Variants in SPIN2A observed in about 807,000 individuals in gnomAD.
The protein encoded by SPIN2A is spindlin-2A.
A neutral mutation model predicts 9.2 loss-of-function variants in SPIN2A; 4 were observed. That is an observed-to-expected ratio of 0.44 (90% CI 0.21 to 1.00). The LOEUF (loss-of-function observed/expected upper bound fraction) is 1.00, where lower values mean the gene tolerates loss of function less well. Among genes scored for constraint, SPIN2A ranks in the 50% least tolerant of loss-of-function variants. The pLI is 0.26. For synonymous variants in SPIN2A, 25 were observed against 61.2 expected, an observed-to-expected ratio of 0.41 and a Z score of 2.76; for missense variants, 77 against 172.8, an observed-to-expected ratio of 0.45 and a Z score of 3.11.
chrX:57,145,983 G>A, the SPIN2A span, among the ~76,000 whole-genome samples: 4 of 109,841 alleles, frequency 3.6e-5, no homozygotes, highest in Non-Finnish European at 7.6e-5. Context: ...GTTTGAAGTT[G>A]GGTAATGTGA....
In SPIN2A at chrX:57,135,667, T is replaced by C. The variant is rs1927675674; in HGVS notation, c.*154A>G. On this transcript the variant is annotated 3_prime_UTR_variant, in exon 2 of 2. Transcript: ENST00000374906. ...ACAGCATGTCATGTATTCACAAATT[T>C]GTATTTTTTAGAGCAAAACAACAGT... 1 of 1,069,069 alleles carries C rather than the reference T, an allele frequency of 9.4e-7. No homozygotes were observed. The highest frequency in any genetic ancestry group is 1.2e-6 in the Non-Finnish European group (1 of 814,996). 88.1% of individuals were successfully genotyped at this position (1,069,069 alleles called of 1,213,427 possible). A position where few individuals can be genotyped will look rare whatever the true frequency, so the allele number is the denominator to read the frequency against.
chrX:57,141,848 A>G (rs1217696895), upstream of SPIN2A, among the ~76,000 whole-genome samples: 2 of 110,884 alleles, frequency 1.8e-5, no homozygotes, highest in Admixed American at 1.9e-4. Context: ...TTTGTTACAT[A>G]GGTATATGTG....
In SPIN2A at chrX:57,136,250, T is replaced by C. The variant is rs1410218625; in HGVS notation, c.348A>G (p.Ser116=). The stretch of plus-strand genomic sequence containing the variant: ...CAAGGTTGGCATCACTAATGTGAGA[T>C]GATGCCACCCTGTCAGAAAGAATTT... The part of the protein sequence containing the change: ...SLKILSDRVA[S]SHISDANLAN... The change falls in exon 2 of 2, where the codon TCA becomes TCG. Residue 116 remains serine (S), a synonymous_variant. Transcript: ENST00000374906. The C allele has an allele frequency of 8.3e-6, 10 of 1,205,503 alleles. No homozygotes were observed. Among genetic ancestry groups the C allele is most frequent in the Non-Finnish European group, 1.1e-5 (10 of 893,899 alleles).
chrX:57,135,562 G>T (rs769681343), downstream of SPIN2A: 5 of 489,465 alleles, frequency 1.0e-5, no homozygotes, highest in Non-Finnish European at 1.6e-5. Flanking sequence ...ATTCACAGCC[G>T]AAATTGACAG....
chrX:57,143,417 T>C, the SPIN2A span, among the ~76,000 whole-genome samples: 1 of 110,660 alleles, frequency 9.0e-6, no homozygotes, highest in Admixed American at 9.7e-5. Flanking sequence ...CATCCCCCCT[T>C]ACGACTTTTT....
downstream of SPIN2A, chrX:57,135,352 G>C (rs1277085494): frequency 6.9e-6 from 1 of 144,382 alleles, no homozygotes; most frequent in Admixed American, 7.7e-5. Context: ...TTCTGAGTTG[G>C]ATGTTTCCTT....
chrX:57,140,417 C>CAAAAAA (rs60570721), upstream of SPIN2A, among the ~76,000 whole-genome samples: 16 of 64,786 alleles, frequency 2.5e-4, no homozygotes, highest in African/African-American at 1.1e-3. Context: ...CCATCTCTAC[C>CAAAAAA]AAAAAAAAAA....
chrX:57,146,730 G>A, the SPIN2A span, among the ~76,000 whole-genome samples: 2 of 111,893 alleles, frequency 1.8e-5, no homozygotes, highest in African/African-American at 6.5e-5. Flanking sequence ...TTACATTCAG[G>A]TATGTCTCTT....
At chrX:57,145,596 A>G in the SPIN2A span, among the ~76,000 whole-genome samples, 3 of 111,666 alleles carry the variant, frequency 2.7e-5, no homozygotes, top group Admixed American at 9.5e-5. Context: ...TTTTAGTTGC[A>G]TTCGCTTTTG....
chrX:57,136,039 G>A lies in SPIN2A; in HGVS notation c.559C>T (p.Arg187Cys), dbSNP rs368936498. ...GACTCACTGGATTCTGGCATGATGC[G>A]GAGGTCACCTTCCTTATAATCATCT... is the stretch of plus-strand genomic sequence containing the variant. ...LLDDYKEGDL[R>C]IMPESSESPP... The change falls in exon 2 of 2, where the codon CGC becomes TGC. Residue 187 changes from arginine (R) to cysteine (C), a missense_variant. Coordinates refer to ENST00000374906, the MANE Select transcript of SPIN2A (RefSeq NM_019003.5). 26 of 1,198,779 alleles carry A rather than the reference G, an allele frequency of 2.2e-5. No homozygotes were observed. The East Asian group carries it at 2.4e-4, about 11-fold the overall frequency.
At chrX:57,142,177 C>A (rs1928020765), upstream of SPIN2A, among the ~76,000 whole-genome samples, 1 of 111,855 alleles carries the variant, frequency 8.9e-6, no homozygotes. Flanking sequence ...TTTTCTACTT[C>A]TTTAAGGTGC....
chrX:57,143,318 C>T, the SPIN2A span, among the ~76,000 whole-genome samples: 1 of 110,582 alleles, frequency 9.0e-6, no homozygotes, highest in African/African-American at 3.3e-5. Flanking sequence ...CAAGACTATT[C>T]TAACGAATTG....
downstream of SPIN2A, chrX:57,134,412 T>C (rs1927614895): frequency 9.0e-6 from 1 of 111,371 alleles, no homozygotes; most frequent in African/African-American, 3.3e-5. Context: ...GGGGAAGGTC[T>C]AACCAGAATG....
upstream of SPIN2A, among the ~76,000 whole-genome samples, chrX:57,140,543 C>T (rs1214619674): frequency 9.7e-6 from 1 of 102,677 alleles, no homozygotes; most frequent in Admixed American, 1.1e-4. Context: ...TGCAGTGAGC[C>T]GAGCTCCTGC....
At chrX:57,136,796 G>T in intron 1 of SPIN2A, 194 bp from the exon 2 acceptor site, 1 of 375,362 alleles carries the variant, frequency 2.7e-6, no homozygotes, top group Non-Finnish European at 4.8e-6. Flanking sequence ...GGAAGGGCTG[G>T]GGTGGTGCAG....
rs776808870 is a variant in SPIN2A at position 57,135,791 on chromosome X, C to T, written c.*30G>A. The T allele has an allele frequency of 2.5e-4, 292 of 1,165,705 alleles. 2 individuals carry two copies. The East Asian group carries it at 8.4e-3, about 34-fold the overall frequency. On this transcript the variant is annotated 3_prime_UTR_variant, in exon 2 of 2. Coordinates refer to ENST00000374906, the MANE Select transcript of SPIN2A (RefSeq NM_019003.5). ...ATGTCTACAAATTATACATTTGTTT[C>T]CACACATGTGCCAAATTTTACCCTA... is the stretch of plus-strand genomic sequence containing the variant.
chrX:57,142,752 T>C, the SPIN2A span, among the ~76,000 whole-genome samples: 1 of 112,034 alleles, frequency 8.9e-6, no homozygotes, highest in Non-Finnish European at 1.9e-5. Flanking sequence ...CTCTCTTTAG[T>C]TGTACTAATA....
upstream of SPIN2A, among the ~76,000 whole-genome samples, chrX:57,141,365 A>G (rs891100855): frequency 8.9e-6 from 1 of 111,979 alleles, no homozygotes; most frequent in Non-Finnish European, 1.9e-5. Context: ...TTTTGCATGT[A>G]TATTTATTGG....
the SPIN2A span, among the ~76,000 whole-genome samples, chrX:57,143,124 G>A: frequency 1.8e-5 from 2 of 110,852 alleles, no homozygotes; most frequent in Non-Finnish European, 3.8e-5. Context: ...ATTACGGATA[G>A]GTAAGGACTT....
Sources: allele counts gnomAD v4.1 joint callset (sites outside exome capture counted in the v4.1 genomes callset), GRCh38; gene constraint gnomAD v4.1.1; transcripts MANE v1.5; gene names NCBI Gene and HGNC (gene_info 2026-07-23, HGNC 2026-07-21).